CCDC9: variants seen among roughly 807,000 people sequenced by gnomAD.
The protein encoded by CCDC9 is coiled-coil domain-containing protein 9.
Under a neutral mutation model 65.6 loss-of-function variants are expected in CCDC9, and 52 were observed. The ratio of observed to expected loss-of-function variants is 0.79; its 90% CI spans 0.63 to 1.00. The LOEUF is 1.00. CCDC9 is among the 50% of genes least tolerant of loss of function. The probability of loss-of-function intolerance (pLI) is 0.00; values close to 1 mark genes in which losing one functional copy is unlikely to be tolerated. For synonymous variants in CCDC9, 332 were observed against 280.3 expected, an observed-to-expected ratio of 1.18 and a Z score of -1.84; for missense variants, 834 against 757.2, an observed-to-expected ratio of 1.10 and a Z score of -1.19.
At chr19:47,270,950 T>C (rs1404927995) in intron 10 of CCDC9, 132 bp from the exon 11 acceptor site, 3 of 765,014 alleles carry the variant, frequency 3.9e-6, no homozygotes, top group Non-Finnish European at 6.4e-6. Context: ...GGGACACACA[T>C]CCGCCATTCC....
At chr19:47,261,394 A>G (rs1252001387) in intron 5 of CCDC9, among the ~76,000 whole-genome samples, 1 of 151,280 alleles carries the variant, frequency 6.6e-6, no homozygotes, top group Non-Finnish European at 1.5e-5. Context: ...TACCTCACTC[A>G]CCCCTGACGT....
In CCDC9 at chr19:47,271,500, C is replaced by G; in HGVS notation, c.1418C>G (p.Pro473Arg). Residue 473 changes from proline to arginine, a missense_variant, in exon 12 of 12, where the codon CCG (proline) becomes CGG (arginine). Pro to Arg is a moderately radical substitution (Grantham distance 103). Coordinates refer to ENST00000221922, the MANE Select transcript of CCDC9 (RefSeq NM_015603.3). ...CAGGCCCACGGAGTCCCCTTCAGTC[C>G]GGAGGAGCCCCTGCTGGAGCCCCAG... is the stretch of plus-strand genomic sequence containing the variant. Reference protein sequence around the residue: ...SEQAHGVPFSPEEPLLEPQAP... With the variant: ...SEQAHGVPFSREEPLLEPQAP... 6.2e-7 allele frequency: 1 copy of G among 1,613,002 alleles called. No homozygotes were observed. The highest frequency in any genetic ancestry group is 8.5e-7 in the Non-Finnish European group (1 of 1,179,786).
intron 7 of CCDC9, 154 bp from the exon 8 acceptor site, chr19:47,266,457 C>T (rs939652441): frequency 8.4e-7 from 1 of 1,187,582 alleles, no homozygotes; most frequent in Non-Finnish European, 1.1e-6. Context: ...CTGAGAGGGC[C>T]TCTGTGAGGA....
downstream of CCDC9, among the ~76,000 whole-genome samples, chr19:47,272,595 C>G (rs548545681): frequency 2.2e-4 from 34 of 152,216 alleles, 1 homozygote; most frequent in African/African-American, 7.9e-4. Context: ...GTACTCCCAC[C>G]TGGGCGACAG....
At chr19:47,272,656 G>T (rs938711396), downstream of CCDC9, among the ~76,000 whole-genome samples, 2 of 152,172 alleles carry the variant, frequency 1.3e-5, no homozygotes, top group African/African-American at 4.8e-5. Context: ...ACTAGGGCAG[G>T]AGCTATAGGC....
chr19:47,271,724 T>TGCGC lies in CCDC9; in HGVS notation c.*47_*48insCGCG, dbSNP rs998901265. On this transcript the variant is annotated 3_prime_UTR_variant, in exon 12 of 12. Transcript: ENST00000221922. The stretch of plus-strand genomic sequence containing the variant: ...GTGTGTGTGTGTGTGTGTGTGTGTG[T>TGCGC]GTGTGTGTGCGCGCGCGCGCGCGCG... 7.9e-7 allele frequency: 1 copy of TGCGC among 1,265,490 alleles called. No homozygotes were observed. Among genetic ancestry groups the TGCGC allele is most frequent in the Non-Finnish European group, 1.0e-6 (1 of 979,186 alleles). The allele number at this position is 1,265,490 out of a possible 1,614,324, so 78.4% of individuals were successfully genotyped here.
In CCDC9 at chr19:47,271,836, A is replaced by C; in HGVS notation, c.*158A>C. 7.1e-7 allele frequency: 1 copy of C among 1,418,202 alleles called. No homozygotes were observed. Among genetic ancestry groups the C allele is most frequent in the Non-Finnish European group, 9.2e-7 (1 of 1,090,246 alleles). The allele number at this position is 1,418,202 out of a possible 1,614,324, so 87.9% of individuals were successfully genotyped here. On this transcript the variant is annotated 3_prime_UTR_variant, in exon 12 of 12. Transcript: ENST00000221922. ...GTGTGCCCCACAGCCCTGTCAGCTGAGGGGGTAGCGCAGCCCATGCTCTTC... is the reference window on the plus strand; with the variant it reads ...GTGTGCCCCACAGCCCTGTCAGCTGCGGGGGTAGCGCAGCCCATGCTCTTC...
chr19:47,271,898 A>T lies in CCDC9; in HGVS notation c.*220A>T. 2 of 1,321,268 alleles carry T rather than the reference A, an allele frequency of 1.5e-6. No homozygotes were observed. Among genetic ancestry groups the T allele is most frequent in the Non-Finnish European group, 1.9e-6 (2 of 1,038,244 alleles). The allele number at this position is 1,321,268 out of a possible 1,614,324, so 81.8% of individuals were successfully genotyped here. ...GCCCGTCTCTGGAATGTCCACTCCC[A>T]GAGCCTGCCCCAGCCCTTCGAGCCC... On this transcript the variant is annotated 3_prime_UTR_variant, in exon 12 of 12. Coordinates refer to ENST00000221922, the MANE Select transcript of CCDC9 (RefSeq NM_015603.3).
At chr19:47,266,359 T>C in intron 7 of CCDC9, 2 of 446,124 alleles carry the variant, frequency 4.5e-6, no homozygotes, top group Non-Finnish European at 7.8e-6. Context: ...GCTGAGTAAA[T>C]GAAAATATAG....
chr19:47,268,796 T>C (rs752998167), intron 8 of CCDC9, among the ~76,000 whole-genome samples: 1 of 151,788 alleles, frequency 6.6e-6, no homozygotes, highest in Non-Finnish European at 1.5e-5. Flanking sequence ...GGGCGCCCTG[T>C]AGTCCCAGCT....
chr19:47,258,101 A>T lies in CCDC9; in HGVS notation c.-71-229A>T. 3 of 500,006 alleles carry T rather than the reference A, an allele frequency of 6.0e-6. No homozygotes were observed. The South Asian group carries it at 6.7e-5, about 11-fold the overall frequency. 31.0% of individuals were successfully genotyped at this position (500,006 alleles called of 1,614,324 possible). The stretch of plus-strand genomic sequence containing the variant: ...GAACATCCCCAAGGTGGGTTTGACT[A>T]GATCGTTTACATGGGAACTGGGTGA... On this transcript the variant is annotated intron_variant, in intron 1 of 11. Transcript: ENST00000221922.
At chr19:47,257,583 G>C (rs1231797179) in intron 1 of CCDC9, 3 of 152,532 alleles carry the variant, frequency 2.0e-5, no homozygotes, top group East Asian at 3.8e-4. Flanking sequence ...GGCGGGCCTG[G>C]GTAGTTTTGT....
downstream of CCDC9, among the ~76,000 whole-genome samples, chr19:47,273,081 G>T (rs2059133443): frequency 6.6e-6 from 1 of 151,682 alleles, no homozygotes; most frequent in Non-Finnish European, 1.5e-5. Flanking sequence ...TGGCGCGGGG[G>T]CCCAGACCCT....
At chr19:47,266,899 C>G in intron 8 of CCDC9, 107 bp downstream of exon 8, 1 of 1,317,206 alleles carries the variant, frequency 7.6e-7, no homozygotes, top group Non-Finnish European at 1.0e-6. Context: ...GAGTGAGTGA[C>G]TGCCAAGTAT....
At chr19:47,260,968 C>T (rs1174867943) in intron 5 of CCDC9, 129 bp downstream of exon 5, 3 of 1,099,160 alleles carry the variant, frequency 2.7e-6, no homozygotes, top group South Asian at 1.6e-5. Flanking sequence ...GCCTTTGCAT[C>T]TGGCTCTGTT....
At chr19:47,261,046 C>T (rs937774828) in intron 5 of CCDC9, among the ~76,000 whole-genome samples, 3 of 152,040 alleles carry the variant, frequency 2.0e-5, no homozygotes, top group African/African-American at 7.2e-5. Context: ...TTCCTTCCCT[C>T]TCACGCCTAG....
At chr19:47,265,333 G>C (rs2059074689) in intron 7 of CCDC9, among the ~76,000 whole-genome samples, 1 of 152,154 alleles carries the variant, frequency 6.6e-6, no homozygotes, top group Non-Finnish European at 1.5e-5. Context: ...GGGATTATAG[G>C]TGTGAGCCAC....
chr19:47,257,996 A>T (rs2059022058), intron 1 of CCDC9: 1 of 255,594 alleles, frequency 3.9e-6, no homozygotes, highest in Non-Finnish European at 7.6e-6. Context: ...TAACACTCAT[A>T]CCACAGGGTG....
At chr19:47,264,264 C>T (rs930376825) in intron 5 of CCDC9, among the ~76,000 whole-genome samples, 1 of 152,242 alleles carries the variant, frequency 6.6e-6, no homozygotes, top group African/African-American at 2.4e-5. Context: ...AATCCTCCTG[C>T]CTTGGCCTCC....
Sources: gnomAD v4.1 joint callset for allele counts (sites outside exome capture counted in the v4.1 genomes callset) on GRCh38, gnomAD v4.1.1 for gene constraint, MANE v1.5 for transcripts, NCBI Gene and HGNC (gene_info 2026-07-23, HGNC 2026-07-21) for gene names.